The following EPB41 variants were observed in gnomAD, a reference collection of about 807,000 sequenced individuals.
EPB41 encodes the protein protein 4.1.
EPB41 carries 65 observed loss-of-function variants against 108.0 expected under a neutral mutation model. That is an observed-to-expected ratio of 0.60 (90% confidence interval 0.49 to 0.74). The LOEUF (loss-of-function observed/expected upper bound fraction) is 0.74, where lower values mean the gene tolerates loss of function less well. EPB41 is among the 30% of genes least tolerant of loss of function. EPB41 has a pLI of 0.00. For synonymous variants in EPB41, 336 were observed against 358.9 expected (o/e 0.94, Z 0.72); for missense variants, 875 against 1,037.0 (o/e 0.84, Z 2.15).
intron 16 of EPB41, among the ~76,000 whole-genome samples, chr1:29,081,835 C>CAAA (rs34188995): frequency 9.5e-5 from 12 of 126,338 alleles, no homozygotes; most frequent in African/African-American, 1.9e-4. Flanking sequence ...AACTCTGTCT[C>CAAA]AAAAAAAAAA....
At chr1:29,019,170 C>T (rs2096612727) in intron 7 of EPB41, among the ~76,000 whole-genome samples, 1 of 152,104 alleles carries the variant, frequency 6.6e-6, no homozygotes, top group African/African-American at 2.4e-5. Flanking sequence ...AATCCTAGCA[C>T]TTTGGGAGGC....
upstream of EPB41, among the ~76,000 whole-genome samples, chr1:28,913,373 G>A (rs572782510): frequency 1.1e-4 from 16 of 152,286 alleles, no homozygotes; most frequent in East Asian, 2.9e-3. Context: ...GGGAGGCAGA[G>A]GTTGCAGTGA....
intron 1 of EPB41, among the ~76,000 whole-genome samples, chr1:28,978,370 TC>T (rs2095657305): frequency 6.6e-6 from 1 of 151,516 alleles, no homozygotes; most frequent in Admixed American, 6.6e-5. Flanking sequence ...GAATCCTAAA[TC>T]CCTGAAGTCT....
intron 1 of EPB41, among the ~76,000 whole-genome samples, chr1:28,954,132 T>C (rs549369898): frequency 6.6e-6 from 1 of 152,348 alleles, no homozygotes; most frequent in East Asian, 1.9e-4. Flanking sequence ...GCTGTAATTA[T>C]TTATAGTTTA....
chr1:29,084,339 C>T lies in EPB41; in HGVS notation c.2185-13468C>T, dbSNP rs1160495383. Reference sequence around the variant, plus strand: ...CTCACATATTTGCATTTCAGCAAGCCACAAAGTCATTGCACAGATGATGGT... The same window carrying T: ...CTCACATATTTGCATTTCAGCAAGCTACAAAGTCATTGCACAGATGATGGT... On this transcript the variant is annotated intron_variant, in intron 16 of 20. Transcript: ENST00000343067. 2.6e-5 allele frequency among the ~76,000 whole-genome samples: 4 copies of T among 152,274 alleles called. No individual in the cohort carries two copies. In the East Asian group the frequency reaches 5.8e-4, roughly 22 times the overall value.
intron 1 of EPB41, among the ~76,000 whole-genome samples, chr1:28,908,436 TA>T (rs2092001736): frequency 1.3e-5 from 2 of 149,784 alleles, no homozygotes; most frequent in Admixed American, 6.6e-5. Flanking sequence ...TTATTATTAT[TA>T]TTATTTTTTT....
chr1:29,059,229 C>T (rs1264721087), intron 14 of EPB41, among the ~76,000 whole-genome samples: 3 of 151,996 alleles, frequency 2.0e-5, no homozygotes, highest in African/African-American at 7.2e-5. Flanking sequence ...GAGCTGAGAT[C>T]GTGCCACCGT....
intron 1 of EPB41, chr1:28,982,542 G>T: frequency 7.7e-7 from 1 of 1,303,958 alleles, no homozygotes; most frequent in Non-Finnish European, 1.1e-6. Context: ...TCACGATGAC[G>T]GCTTTGCATC....
At chr1:28,930,102 C>T (rs2093663525) in intron 1 of EPB41, among the ~76,000 whole-genome samples, 2 of 150,132 alleles carry the variant, frequency 1.3e-5, no homozygotes, top group African/African-American at 4.9e-5. Flanking sequence ...TCTAGATTTA[C>T]CTATTCTAGA....
chr1:29,082,492 AC>A (rs1171806739), intron 16 of EPB41, among the ~76,000 whole-genome samples: 10 of 152,214 alleles, frequency 6.6e-5, no homozygotes, highest in Admixed American at 6.5e-4. Context: ...AATTTTTAGA[AC>A]TGAGACTTCT....
intron 1 of EPB41, chr1:28,982,234 T>C: frequency 2.4e-6 from 1 of 424,674 alleles, no homozygotes; most frequent in Non-Finnish European, 4.5e-6. Context: ...TCATCATTTT[T>C]TATGGCTGCT....
At position 29,018,931 on chromosome 1, in the gene EPB41, G is replaced by A. The variant is rs1434237137; in HGVS notation, c.1124+489G>A. 1.3e-5 allele frequency among the ~76,000 whole-genome samples: 2 copies of A among 152,142 alleles called. No homozygotes were observed. Among genetic ancestry groups the A allele is most frequent in the African/African-American group, 4.8e-5 (2 of 41,430 alleles). On this transcript the variant is annotated intron_variant, in intron 7 of 20. Transcript: ENST00000343067. The surrounding 1 kb of genome is among the most constrained non-coding windows in gnomAD (Gnocchi z 4.4). ...CTGCTTTTATACATGAAAATGATTG[G>A]TAATGCTGGGAGTTATCAAGTGATC... is the stretch of plus-strand genomic sequence containing the variant.
intron 1 of EPB41, among the ~76,000 whole-genome samples, chr1:28,927,081 T>C (rs1332309649): frequency 6.6e-6 from 1 of 152,216 alleles, no homozygotes; most frequent in Non-Finnish European, 1.5e-5. Flanking sequence ...AAAGTAAACA[T>C]ACAAGGTTGA....
At chr1:28,911,710 G>T (rs2092264647), upstream of EPB41, among the ~76,000 whole-genome samples, 2 of 152,172 alleles carry the variant, frequency 1.3e-5, no homozygotes, top group Admixed American at 1.3e-4. Context: ...AAAAAGCACA[G>T]CTGAACCTGA....
At chr1:29,076,224 C>G (rs544127003) in intron 16 of EPB41, among the ~76,000 whole-genome samples, 1 of 152,320 alleles carries the variant, frequency 6.6e-6, no homozygotes, top group South Asian at 2.1e-4. Flanking sequence ...TGTCATCCTC[C>G]TTTCTTCTTT....
At chr1:29,099,694 T>G (rs1664599065) in intron 17 of EPB41, among the ~76,000 whole-genome samples, 1 of 152,248 alleles carries the variant, frequency 6.6e-6, no homozygotes. Context: ...TGTTTTTCTT[T>G]TGTTATTCAC....
chr1:29,005,667 GA>G, intron 4 of EPB41, among the ~76,000 whole-genome samples: 1 of 152,324 alleles, frequency 6.6e-6, no homozygotes, highest in Non-Finnish European at 1.5e-5. Flanking sequence ...TGGGGAGTCA[GA>G]AGGGGTTTTC....
chr1:28,971,577 T>A (rs1423953629), intron 1 of EPB41, among the ~76,000 whole-genome samples: 2 of 152,212 alleles, frequency 1.3e-5, no homozygotes. Flanking sequence ...AGAAGAGACA[T>A]TGGAAGATGC....
chr1:29,000,325 C>G (rs1010935570), intron 4 of EPB41, among the ~76,000 whole-genome samples: 2 of 152,212 alleles, frequency 1.3e-5, no homozygotes, highest in Non-Finnish European at 2.9e-5. Flanking sequence ...GTCTCGAACT[C>G]CTGACCTCAG....
Sources: gnomAD v4.1 joint callset for allele counts (sites outside exome capture counted in the v4.1 genomes callset) on GRCh38, gnomAD v4.1.1 for gene constraint, Gnocchi (gnomAD v3.1) non-coding constraint, MANE v1.5 for transcripts, NCBI Gene and HGNC (gene_info 2026-07-23, HGNC 2026-07-21) for gene names.